Variants in MAPRE3 observed in about 807,000 individuals in gnomAD.
MAPRE3 encodes the protein microtubule associated protein RP/EB family member 3.
MAPRE3 carries 2 observed loss-of-function variants against 30.5 expected under a neutral mutation model. The ratio of observed to expected loss-of-function variants is 0.07; its 90% CI spans 0.03 to 0.21. The LOEUF is 0.21. MAPRE3 is among the 10% of genes least tolerant of loss of function. The probability of loss-of-function intolerance (pLI) is 1.00; values close to 1 mark genes in which losing one functional copy is unlikely to be tolerated. For synonymous variants in MAPRE3, 110 were observed against 127.7 expected, an observed-to-expected ratio of 0.86 and a Z score of 0.93; for missense variants, 204 against 351.8, an observed-to-expected ratio of 0.58 and a Z score of 3.36.
chr2:27,026,396 C>G lies in MAPRE3; in HGVS notation c.*48C>G. Reference sequence around the variant, plus strand: ...CTGCACAGCTTCCCCGTGCCTCCCTCCCTGCTCCACTCCCACATTATAGTC... The same window carrying G: ...CTGCACAGCTTCCCCGTGCCTCCCTGCCTGCTCCACTCCCACATTATAGTC... On this transcript the variant is annotated 3_prime_UTR_variant, in exon 7 of 7. Coordinates refer to ENST00000233121, the MANE Select transcript of MAPRE3 (RefSeq NM_012326.4). The G allele has an allele frequency of 1.2e-5, 18 of 1,454,322 alleles. No homozygotes were observed. Among genetic ancestry groups the G allele is most frequent in the Non-Finnish European group, 1.7e-5 (18 of 1,044,370 alleles). The allele number at this position is 1,454,322 out of a possible 1,614,324, so 90.1% of individuals were successfully genotyped here. A position where few individuals can be genotyped will look rare whatever the true frequency, so the allele number is the denominator to read the frequency against.
intron 1 of MAPRE3, among the ~76,000 whole-genome samples, chr2:26,973,566 G>C (rs1490730815): frequency 1.6e-5 from 1 of 64,120 alleles, no homozygotes; most frequent in African/African-American, 6.1e-5. Context: ...TTTTTTTTTT[G>C]AGACGGAGTC....
intron 4 of MAPRE3, among the ~76,000 whole-genome samples, chr2:27,024,885 C>G (rs1471146922): frequency 6.6e-6 from 1 of 152,124 alleles, no homozygotes; most frequent in Non-Finnish European, 1.5e-5. Context: ...AGCCCCAGCC[C>G]GCGTCGGACC....
At chr2:27,006,744 A>G (rs1443866458) in intron 1 of MAPRE3, among the ~76,000 whole-genome samples, 1 of 152,208 alleles carries the variant, frequency 6.6e-6, no homozygotes, top group Non-Finnish European at 1.5e-5. Flanking sequence ...AAGCAAGTTT[A>G]TTAATGTGTG....
intron 1 of MAPRE3, among the ~76,000 whole-genome samples, chr2:26,997,795 C>G (rs1387121330): frequency 1.3e-5 from 2 of 152,164 alleles, no homozygotes; most frequent in Non-Finnish European, 2.9e-5. Flanking sequence ...TCAATATTCA[C>G]TAAATGTAGA....
Position 27,019,450 on chromosome 2 carries a change from C to T in MAPRE3, c.-7-2762C>T, listed in dbSNP as rs572456412. Reference sequence around the variant, plus strand: ...AGAAAGAGGAGAGGACATGAGGCATCACTCAATGGTTCAACGTTACTGAAC... The same window carrying T: ...AGAAAGAGGAGAGGACATGAGGCATTACTCAATGGTTCAACGTTACTGAAC... On this transcript the variant is annotated intron_variant, in intron 1 of 6. Coordinates refer to ENST00000233121, the MANE Select transcript of MAPRE3 (RefSeq NM_012326.4). Among the ~76,000 whole-genome samples, 27 of 152,212 alleles carry T rather than the reference C, an allele frequency of 1.8e-4. 1 individual carries two copies. Among genetic ancestry groups the T allele is most frequent in the African/African-American group, 6.3e-4 (26 of 41,504 alleles).
chr2:26,981,586 T>C (rs1666113055), intron 1 of MAPRE3, among the ~76,000 whole-genome samples: 1 of 152,178 alleles, frequency 6.6e-6, no homozygotes, highest in Admixed American at 6.5e-5. Context: ...CCACTAACAT[T>C]TCTTAAAGGA....
In MAPRE3 at chr2:26,986,666, G is replaced by A. The variant is rs1315201495; in HGVS notation, c.-8+15864G>A. On this transcript the variant is annotated intron_variant, in intron 1 of 6. Transcript: ENST00000233121. This position sits in a 1 kb window ranked among gnomAD's most constrained non-coding sequence, Gnocchi z 4.2. The stretch of plus-strand genomic sequence containing the variant: ...GGGTCTTCTACAGCACTCACCTTTG[G>A]TCCTTCTCAGGCAGACTAAGCTGGA... The A allele has an allele frequency of 1.3e-5, 2 of 152,216 alleles. No homozygotes were observed. The highest frequency in any genetic ancestry group is 4.8e-5 in the African/African-American group (2 of 41,438). The allele number at this position is 152,216 out of a possible 1,614,324, so 9.4% of individuals were successfully genotyped here.
At chr2:27,017,991 G>A (rs1667025284) in intron 1 of MAPRE3, among the ~76,000 whole-genome samples, 1 of 152,082 alleles carries the variant, frequency 6.6e-6, no homozygotes, top group South Asian at 2.1e-4. Context: ...CCAATCCTGT[G>A]GAACCAGGAA....
chr2:27,017,803 ATGTG>A (rs34348240), intron 1 of MAPRE3, among the ~76,000 whole-genome samples: 6 of 151,494 alleles, frequency 4.0e-5, no homozygotes, highest in Admixed American at 6.6e-5. Flanking sequence ...CTTTAAAATT[ATGTG>A]TGTGTGTGTG....
chr2:27,000,734 C>T lies in MAPRE3; in HGVS notation c.-7-21478C>T, dbSNP rs149579120. On this transcript the variant is annotated intron_variant, in intron 1 of 6. Coordinates refer to ENST00000233121, the MANE Select transcript of MAPRE3 (RefSeq NM_012326.4). ...CTAGGCCGGTGCAGCTGCCGGTGTC[C>T]GCTGGTGAAGGTGGACCTCAGTGGC... Among the ~76,000 whole-genome samples, 211 of 152,304 alleles carry T rather than the reference C, an allele frequency of 1.4e-3. 1 individual carries two copies. Among genetic ancestry groups the T allele is most frequent in the African/African-American group, 5.0e-3 (206 of 41,578 alleles).
intron 1 of MAPRE3, among the ~76,000 whole-genome samples, chr2:26,982,995 G>T (rs1343480973): frequency 6.6e-6 from 1 of 152,108 alleles, no homozygotes; most frequent in Non-Finnish European, 1.5e-5. Context: ...TCAAGATTTG[G>T]AGTAGCATTG....
At chr2:27,023,054 G>A (rs557810944) in intron 2 of MAPRE3, among the ~76,000 whole-genome samples, 66 of 152,310 alleles carry the variant, frequency 4.3e-4, no homozygotes, top group African/African-American at 1.6e-3. Context: ...TCCATAAGAT[G>A]GAGATAGTAT....
chr2:26,991,832 G>T (rs1666350741), intron 1 of MAPRE3, among the ~76,000 whole-genome samples: 1 of 152,140 alleles, frequency 6.6e-6, no homozygotes, highest in Non-Finnish European at 1.5e-5. Context: ...ACAACTGTCT[G>T]TGTTCTCTCT....
At chr2:27,007,858 G>A (rs866545982) in intron 1 of MAPRE3, among the ~76,000 whole-genome samples, 5 of 152,360 alleles carry the variant, frequency 3.3e-5, no homozygotes, top group Middle Eastern at 3.4e-3. Flanking sequence ...AGAAGTATTT[G>A]ATTCTACTCA....
At chr2:26,995,827 G>GTGTGTGTGTGTA (rs1292455933) in intron 1 of MAPRE3, among the ~76,000 whole-genome samples, 2 of 149,546 alleles carry the variant, frequency 1.3e-5, no homozygotes, top group South Asian at 2.1e-4. Context: ...GTGTGTGTGT[G>GTGTGTGTGTGTA]TGTATGTGTG....
intron 3 of MAPRE3, 125 bp downstream of exon 3, chr2:27,023,602 G>A (rs753488391): frequency 1.2e-5 from 14 of 1,155,724 alleles, no homozygotes; most frequent in Non-Finnish European, 1.6e-5. Flanking sequence ...TCCACCTCCC[G>A]ACTCTCCAGA....
chr2:26,997,565 C>A (rs1216552984), intron 1 of MAPRE3, among the ~76,000 whole-genome samples: 1 of 152,134 alleles, frequency 6.6e-6, no homozygotes. Flanking sequence ...GGTGCCGCCG[C>A]TGATCTGACA....
At chr2:26,971,680 T>C (rs1001460047) in intron 1 of MAPRE3, among the ~76,000 whole-genome samples, 1 of 152,060 alleles carries the variant, frequency 6.6e-6, no homozygotes, top group African/African-American at 2.4e-5. Context: ...GAAAAAGGCC[T>C]GATACCATCC....
intron 1 of MAPRE3, among the ~76,000 whole-genome samples, chr2:27,021,084 T>C (rs1667101951): frequency 6.6e-6 from 1 of 152,220 alleles, no homozygotes; most frequent in South Asian, 2.1e-4. Context: ...AGTGACATGG[T>C]AGTAGGTATT....
Sources: allele counts gnomAD v4.1 joint callset (sites outside exome capture counted in the v4.1 genomes callset), GRCh38; gene constraint gnomAD v4.1.1; non-coding constraint Gnocchi (gnomAD v3.1); transcripts MANE v1.5; gene names NCBI Gene and HGNC (gene_info 2026-07-23, HGNC 2026-07-21).